The following WWOX variants were observed in gnomAD, a reference collection of about 807,000 sequenced individuals.
WWOX encodes the protein WW domain-containing oxidoreductase.
Under a neutral mutation model 46.2 loss-of-function variants are expected in WWOX, and 69 were observed. The ratio of observed to expected loss-of-function variants is 1.49; its 90% CI spans 1.23 to 1.82. The LOEUF is 1.82. WWOX is among the 40% of genes most tolerant of loss of function. The probability of loss-of-function intolerance (pLI) is 0.00; values close to 1 mark genes in which losing one functional copy is unlikely to be tolerated. For synonymous variants in WWOX, 359 were observed against 202.6 expected, an observed-to-expected ratio of 1.77 and a Z score of -6.56; for missense variants, 919 against 542.6, an observed-to-expected ratio of 1.69 and a Z score of -6.89.
chr16:78,950,811 A>C (rs78695874), intron 8 of WWOX, among the ~76,000 whole-genome samples: 1 of 152,040 alleles, frequency 6.6e-6, no homozygotes, highest in Non-Finnish European at 1.5e-5. Context: ...GAAGGTTGGC[A>C]CCTTTGGGGA....
At chr16:79,193,776 C>G (rs1307458196) in intron 8 of WWOX, among the ~76,000 whole-genome samples, 4 of 152,138 alleles carry the variant, frequency 2.6e-5, no homozygotes, top group Non-Finnish European at 5.9e-5. Flanking sequence ...AAGCCCAGCT[C>G]CTCACAAAGG....
chr16:78,540,010 T>C (rs756142684), intron 8 of WWOX, among the ~76,000 whole-genome samples: 1,586 of 127,468 alleles, frequency 0.012, 18 homozygotes, highest in Middle Eastern at 0.051. Flanking sequence ...TCTCTCTCTC[T>C]CTCTCTCTCT....
At chr16:78,943,437 C>G (rs1397465445) in intron 8 of WWOX, among the ~76,000 whole-genome samples, 3 of 152,144 alleles carry the variant, frequency 2.0e-5, no homozygotes, top group South Asian at 2.1e-4. Context: ...CTGGAGAACT[C>G]CTAGAGGGAG....
chr16:78,547,677 A>G (rs746519089), intron 8 of WWOX, among the ~76,000 whole-genome samples: 16 of 152,150 alleles, frequency 1.1e-4, no homozygotes, highest in Non-Finnish European at 1.6e-4. Context: ...GTGTTTGGCA[A>G]CGGCCCACTT....
chr16:78,710,650 TG>T (rs1317214692), intron 8 of WWOX, among the ~76,000 whole-genome samples: 6 of 150,940 alleles, frequency 4.0e-5, no homozygotes, highest in African/African-American at 1.5e-4. Flanking sequence ...GGTCTTGCTC[TG>T]TCACTCAGGC....
intron 5 of WWOX, among the ~76,000 whole-genome samples, chr16:78,304,732 C>T (rs769894830): frequency 1.3e-5 from 2 of 152,174 alleles, no homozygotes; most frequent in Non-Finnish European, 2.9e-5. Flanking sequence ...TAATGGGCAA[C>T]CTTGTACACA....
chr16:78,902,086 T>C (rs2044844720), intron 8 of WWOX, among the ~76,000 whole-genome samples: 1 of 152,114 alleles, frequency 6.6e-6, no homozygotes, highest in South Asian at 2.1e-4. Flanking sequence ...GAGAAGGAAA[T>C]GGTGCAGATT....
chr16:78,180,072 T>C (rs1017365429), intron 5 of WWOX, among the ~76,000 whole-genome samples: 3 of 152,236 alleles, frequency 2.0e-5, no homozygotes, highest in African/African-American at 7.2e-5. Context: ...GGTTTCATGT[T>C]GATGTTACTG....
intron 8 of WWOX, among the ~76,000 whole-genome samples, chr16:78,518,330 C>T (rs1296730479): frequency 1.3e-5 from 2 of 152,128 alleles, no homozygotes; most frequent in East Asian, 3.9e-4. Context: ...CTCCTGGGAT[C>T]AAGTGATTCT....
chr16:78,165,729 G>T (rs953139376), intron 5 of WWOX, among the ~76,000 whole-genome samples: 1 of 152,128 alleles, frequency 6.6e-6, no homozygotes, highest in Non-Finnish European at 1.5e-5. Flanking sequence ...AAAATTTTTG[G>T]TACTCTGGAC....
chr16:78,826,651 A>G (rs1488191775), intron 8 of WWOX, among the ~76,000 whole-genome samples: 1 of 152,132 alleles, frequency 6.6e-6, no homozygotes, highest in Non-Finnish European at 1.5e-5. Flanking sequence ...TCATGTCAAG[A>G]TCCGTAACTT....
intron 8 of WWOX, among the ~76,000 whole-genome samples, chr16:78,738,256 T>TC (rs769486114): frequency 1.4e-4 from 22 of 152,298 alleles, no homozygotes; most frequent in Non-Finnish European, 2.6e-4. Flanking sequence ...AGATAATTTT[T>TC]CCCCTTTCTA....
At chr16:78,390,846 G>A (rs1217374800) in intron 6 of WWOX, among the ~76,000 whole-genome samples, 1 of 152,144 alleles carries the variant, frequency 6.6e-6, no homozygotes, top group Non-Finnish European at 1.5e-5. Context: ...CTCTTTTCAC[G>A]CTGTTGCATT....
At chr16:79,128,747 A>C (rs1427157027) in intron 8 of WWOX, among the ~76,000 whole-genome samples, 1 of 152,224 alleles carries the variant, frequency 6.6e-6, no homozygotes, top group Non-Finnish European at 1.5e-5. Flanking sequence ...TTTGTAAGCC[A>C]GTAGGATTCA....
intron 8 of WWOX, among the ~76,000 whole-genome samples, chr16:78,596,114 ATGGTAGGACT>A (rs1332198080): frequency 6.6e-6 from 1 of 152,196 alleles, no homozygotes; most frequent in Non-Finnish European, 1.5e-5. Context: ...TGTATTATAC[ATGGTAGGACT>A]TATTTTTTTA....
chr16:78,734,201 G>T (rs1216509411), intron 8 of WWOX, among the ~76,000 whole-genome samples: 1 of 152,144 alleles, frequency 6.6e-6, no homozygotes, highest in Non-Finnish European at 1.5e-5. Context: ...AAATTGGAAT[G>T]TTAGGTGTTA....
chr16:78,256,006 C>T (rs558602024), intron 5 of WWOX, among the ~76,000 whole-genome samples: 22 of 151,786 alleles, frequency 1.4e-4, no homozygotes, highest in African/African-American at 4.3e-4. Context: ...ATAAATTAGT[C>T]GGGCATGGTG....
At chr16:79,047,843 T>G (rs897096922) in intron 8 of WWOX, among the ~76,000 whole-genome samples, 3 of 151,960 alleles carry the variant, frequency 2.0e-5, no homozygotes, top group African/African-American at 7.3e-5. Flanking sequence ...TAGTCCTGCA[T>G]GAATGAAGGA....
intron 8 of WWOX, among the ~76,000 whole-genome samples, chr16:78,618,673 T>C (rs1272193364): frequency 6.6e-6 from 1 of 152,084 alleles, no homozygotes; most frequent in Non-Finnish European, 1.5e-5. Context: ...ACAGGATCCA[T>C]GTTTGATCCG....
Sources: gnomAD v4.1 joint callset for allele counts (sites outside exome capture counted in the v4.1 genomes callset) on GRCh38, gnomAD v4.1.1 for gene constraint, MANE v1.5 for transcripts, NCBI Gene and HGNC (gene_info 2026-07-23, HGNC 2026-07-21) for gene names.